The following SLC25A21 variants were observed in gnomAD, a reference collection of about 807,000 sequenced individuals.
SLC25A21 encodes mitochondrial 2-oxodicarboxylate carrier.
In SLC25A21, 47 loss-of-function variants were observed where a neutral mutation model predicts 43.8. The ratio of observed to expected loss-of-function variants is 1.07; its 90% CI spans 0.85 to 1.37. The LOEUF (loss-of-function observed/expected upper bound fraction) is 1.37. Among genes scored for constraint, SLC25A21 ranks in the 40% most tolerant of loss-of-function variants. The probability of loss-of-function intolerance (pLI) is 0.00; values close to 1 mark genes in which losing one functional copy is unlikely to be tolerated. For missense variants in SLC25A21, 352 were observed against 350.2 expected, an observed-to-expected ratio of 1.00 and a Z score of -0.04; for synonymous variants, 131 against 121.3, an observed-to-expected ratio of 1.08 and a Z score of -0.52.
intron 3 of SLC25A21, among the ~76,000 whole-genome samples, chr14:36,738,810 T>G (rs951113586): frequency 1.3e-5 from 2 of 152,234 alleles, no homozygotes; most frequent in African/African-American, 2.4e-5. Flanking sequence ...TTTATGGATT[T>G]TTGTAAATAT....
chr14:36,830,919 C>A (rs539867446), intron 2 of SLC25A21, among the ~76,000 whole-genome samples: 41 of 152,252 alleles, frequency 2.7e-4, no homozygotes, highest in Admixed American at 1.2e-3. Context: ...CAGCTCCCTG[C>A]CAAACCCAGC....
chr14:37,087,471 C>A (rs1962507071), intron 1 of SLC25A21, among the ~76,000 whole-genome samples: 1 of 152,170 alleles, frequency 6.6e-6, no homozygotes, highest in Non-Finnish European at 1.5e-5. Flanking sequence ...GAGCTGGTAC[C>A]ATTCTGCAGT....
chr14:37,104,766 G>A (rs1962881354), intron 1 of SLC25A21, among the ~76,000 whole-genome samples: 1 of 152,128 alleles, frequency 6.6e-6, no homozygotes, highest in Admixed American at 6.6e-5. Context: ...AGGTGGCCCA[G>A]CCCAAGGTTT....
intron 1 of SLC25A21, among the ~76,000 whole-genome samples, chr14:36,958,679 G>GCACACACACA (rs71124786): frequency 2.1e-3 from 285 of 136,962 alleles, no homozygotes; most frequent in African/African-American, 4.2e-3. Context: ...AAGCACACGT[G>GCACACACACA]CACACACACA....
intron 1 of SLC25A21, among the ~76,000 whole-genome samples, chr14:37,161,979 A>G (rs1430437170): frequency 6.7e-6 from 1 of 148,866 alleles, no homozygotes; most frequent in African/African-American, 2.5e-5. Flanking sequence ...AAAAAAAAAA[A>G]AAAAGAAATC....
intron 5 of SLC25A21, among the ~76,000 whole-genome samples, chr14:36,729,270 A>G (rs1566546378): frequency 6.6e-6 from 1 of 152,204 alleles, no homozygotes; most frequent in Non-Finnish European, 1.5e-5. Context: ...ATTCTTGACC[A>G]TATCTCATAT....
chr14:36,797,053 T>C (rs965518598), intron 3 of SLC25A21, among the ~76,000 whole-genome samples: 6 of 152,220 alleles, frequency 3.9e-5, no homozygotes, highest in African/African-American at 1.4e-4. Context: ...TAGCAATAGC[T>C]GATCTGAACC....
intron 1 of SLC25A21, among the ~76,000 whole-genome samples, chr14:36,939,119 A>G (rs1458612181): frequency 6.6e-6 from 1 of 152,198 alleles, no homozygotes; most frequent in South Asian, 2.1e-4. Context: ...TAACAGCTTT[A>G]CTTAAAAGGC....
chr14:37,086,938 T>A (rs1195938478), intron 1 of SLC25A21, among the ~76,000 whole-genome samples: 1 of 152,206 alleles, frequency 6.6e-6, no homozygotes, highest in Non-Finnish European at 1.5e-5. Flanking sequence ...AAGCTTTCCA[T>A]GTATAATTAT....
At chr14:37,015,738 C>G (rs1161135552) in intron 1 of SLC25A21, among the ~76,000 whole-genome samples, 1 of 152,114 alleles carries the variant, frequency 6.6e-6, no homozygotes, top group South Asian at 2.1e-4. Flanking sequence ...GCCATTCTAA[C>G]TGGTGTGAGA....
chr14:37,025,514 T>C (rs1961074586), intron 1 of SLC25A21, among the ~76,000 whole-genome samples: 1 of 152,188 alleles, frequency 6.6e-6, no homozygotes, highest in Non-Finnish European at 1.5e-5. Context: ...TTAATTTGTG[T>C]TCGGATTCAG....
At chr14:36,944,473 T>C (rs575191226) in intron 1 of SLC25A21, among the ~76,000 whole-genome samples, 1 of 152,154 alleles carries the variant, frequency 6.6e-6, no homozygotes, top group Admixed American at 6.5e-5. Flanking sequence ...TAAACCATGC[T>C]GGGGGAGGAA....
chr14:36,894,829 T>C (rs1295311353), intron 1 of SLC25A21, among the ~76,000 whole-genome samples: 1 of 152,240 alleles, frequency 6.6e-6, no homozygotes, highest in African/African-American at 2.4e-5. Flanking sequence ...TCTGTTTATA[T>C]GCTGGATTAC....
intron 7 of SLC25A21, among the ~76,000 whole-genome samples, chr14:36,691,928 GATA>G (rs1882811255): frequency 6.6e-6 from 1 of 152,098 alleles, no homozygotes; most frequent in Non-Finnish European, 1.5e-5. Context: ...TTTATTCTGT[GATA>G]ATAATATGGA....
chr14:36,738,576 C>T (rs538946935), intron 3 of SLC25A21, among the ~76,000 whole-genome samples: 25 of 152,276 alleles, frequency 1.6e-4, no homozygotes, highest in African/African-American at 5.5e-4. Flanking sequence ...TTCTTCTCTC[C>T]GACATGACGG....
chr14:36,779,390 T>A (rs1478361418), intron 3 of SLC25A21, among the ~76,000 whole-genome samples: 1 of 144,820 alleles, frequency 6.9e-6, no homozygotes, highest in Non-Finnish European at 1.5e-5. Context: ...CACACACATA[T>A]ATGTAAGAAT....
chr14:36,881,680 C>A (rs1566705016), intron 1 of SLC25A21, among the ~76,000 whole-genome samples: 1 of 152,208 alleles, frequency 6.6e-6, no homozygotes, highest in Non-Finnish European at 1.5e-5. Context: ...GTGGAACATA[C>A]CTCATCCCTG....
At chr14:37,003,768 G>A (rs571211052) in intron 1 of SLC25A21, among the ~76,000 whole-genome samples, 15 of 152,300 alleles carry the variant, frequency 9.8e-5, no homozygotes, top group Non-Finnish European at 1.8e-4. Flanking sequence ...TTACATGTGG[G>A]AGACTCTGGA....
At chr14:37,039,543 T>C (rs1309636114) in intron 1 of SLC25A21, among the ~76,000 whole-genome samples, 1 of 152,192 alleles carries the variant, frequency 6.6e-6, no homozygotes, top group Non-Finnish European at 1.5e-5. Context: ...CTGACTTCTT[T>C]CTCTGAGCAT....
Sources: allele counts gnomAD v4.1 joint callset (sites outside exome capture counted in the v4.1 genomes callset), GRCh38; gene constraint gnomAD v4.1.1; transcripts MANE v1.5; gene names NCBI Gene and HGNC (gene_info 2026-07-23, HGNC 2026-07-21).